AP1B1: variants seen among roughly 807,000 people sequenced by gnomAD.
AP1B1 encodes the protein adaptor related protein complex 1 subunit beta 1.
AP1B1 carries 36 observed loss-of-function variants against 104.3 expected under a neutral mutation model. The ratio of observed to expected loss-of-function variants is 0.35; its 90% CI spans 0.26 to 0.46. The LOEUF (loss-of-function observed/expected upper bound fraction) is 0.46. Ranked by LOEUF, AP1B1 falls within the 20% of genes least tolerant of loss-of-function variation. The pLI is 1.00. For synonymous variants in AP1B1, 504 were observed against 517.5 expected, an observed-to-expected ratio of 0.97 and a Z score of 0.35; for missense variants, 901 against 1,247.9, an observed-to-expected ratio of 0.72 and a Z score of 4.19.
At chr22:29,372,860 CA>C (rs2062264178) in intron 1 of AP1B1, among the ~76,000 whole-genome samples, 1 of 151,924 alleles carries the variant, frequency 6.6e-6, no homozygotes, top group Non-Finnish European at 1.5e-5. Flanking sequence ...AAAATAAAAA[CA>C]TAAGAAAATG....
In AP1B1 at chr22:29,350,037, G is replaced by A. The variant is rs754643457; in HGVS notation, c.1269C>T (p.Asn423=). The change falls in exon 10 of 23, where the codon AAC becomes AAT. Residue 423 remains asparagine (N), a splice_region_variant and synonymous_variant. Transcript: ENST00000357586. ...VIKDIFRKYP[N]KYESVIATLC... is the part of the protein sequence containing the mutation. ...TCCCTAGGAGGGCGGGCACGCACTT[G>A]TTGGGGTACTTGCGGAAGATGTCCT... 2.5e-6 allele frequency: 4 copies of A among 1,613,712 alleles called. No individual in the cohort carries two copies. The Admixed American group carries it at 6.7e-5, about 27-fold the overall frequency.
In AP1B1 at chr22:29,349,130, T is replaced by C. The variant is rs908297465; in HGVS notation, c.1437+88A>G. The C allele has an allele frequency of 4.2e-5, 63 of 1,495,478 alleles. No homozygotes were observed. The African/African-American group carries it at 5.5e-4, about 13-fold the overall frequency. 92.6% of individuals were successfully genotyped at this position (1,495,478 alleles called of 1,614,324 possible). ...TCTGTCAGGGCTGTTTACGAGGTAA[T>C]AGGAAGGGAGGGTTTCATGGCAGTA... On this transcript the variant is annotated intron_variant, in intron 11 of 22. Coordinates refer to ENST00000357586, the MANE Select transcript of AP1B1 (RefSeq NM_001127.4).
intron 14 of AP1B1, among the ~76,000 whole-genome samples, chr22:29,340,240 GGCT>G (rs1326377526): frequency 6.6e-6 from 1 of 152,186 alleles, no homozygotes; most frequent in African/African-American, 2.4e-5. Context: ...GGCCTGGATG[GGCT>G]GCTATTCCCA....
chr22:29,350,739 G>A (rs776323641), intron 9 of AP1B1, among the ~76,000 whole-genome samples: 1 of 152,172 alleles, frequency 6.6e-6, no homozygotes, highest in Non-Finnish European at 1.5e-5. Context: ...AGAAAGGACG[G>A]GGATAAAATG....
At chr22:29,377,514 A>G (rs988400682) in intron 1 of AP1B1, among the ~76,000 whole-genome samples, 1 of 152,150 alleles carries the variant, frequency 6.6e-6, no homozygotes, top group Non-Finnish European at 1.5e-5. Flanking sequence ...AAAGAGCTTT[A>G]AAGTTAGTCC....
Position 29,358,924 on chromosome 22 carries a change from G to A in AP1B1, c.327C>T (p.Thr109=). 6.2e-7 allele frequency: 1 copy of A among 1,612,652 alleles called. No individual in the cohort carries two copies. The highest frequency in any genetic ancestry group is 8.5e-7 in the Non-Finnish European group (1 of 1,179,532). The change falls in exon 5 of 23, where the codon ACC becomes ACT. Residue 109 remains threonine (T), a synonymous_variant. Coordinates refer to ENST00000357586, the MANE Select transcript of AP1B1 (RefSeq NM_001127.4). ...NPLIRALAVR[T]MGCIRVDKIT... ...TCTTGTCAACGCGGATGCAGCCCAT[G>A]GTCCGCACTGCCAGGGCTCGGATGA...
Position 29,329,570 on chromosome 22 carries a change from A to G in AP1B1, c.2775+142T>C, listed in dbSNP as rs992431844. The G allele has an allele frequency of 1.9e-5, 29 of 1,519,028 alleles. No homozygotes were observed. In the African/African-American group the frequency reaches 3.6e-4, roughly 19 times the overall value. The allele number at this position is 1,519,028 out of a possible 1,614,324, so 94.1% of individuals were successfully genotyped here. A position where few individuals can be genotyped will look rare whatever the true frequency, so the allele number is the denominator to read the frequency against. On this transcript the variant is annotated intron_variant, in intron 22 of 22. Coordinates refer to ENST00000357586, the MANE Select transcript of AP1B1 (RefSeq NM_001127.4). ...GTGGAAGTGGGGTGTCAGCACCTCA[A>G]TCAGGGCCACCTGGCTGAAGCCCCC... is the stretch of plus-strand genomic sequence containing the variant.
Position 29,329,720 on chromosome 22 carries a change from C to G in AP1B1, c.2767G>C (p.Asp923His), listed in dbSNP as rs892301056. ...RIQPGNPSCT[D>H]LELSLKCRAP... ...GAAAGCGATCTGCTAACCTCTAAGT[C>G]CTGCACCACGGGAACCAGCAGGGAA... is the stretch of plus-strand genomic sequence containing the variant. Residue 923 changes from aspartate to histidine, a missense_variant and splice_region_variant, in exon 22 of 23, where the codon GAC (aspartate) becomes CAC (histidine). By Grantham distance (81) the Asp-to-His change is moderately conservative. Coordinates refer to ENST00000357586, the MANE Select transcript of AP1B1 (RefSeq NM_001127.4). 5.0e-6 allele frequency: 8 copies of G among 1,613,534 alleles called. No homozygotes were observed. The highest frequency in any genetic ancestry group is 6.8e-6 in the Non-Finnish European group (8 of 1,179,768).
chr22:29,338,596 G>A (rs1043854787), intron 16 of AP1B1, among the ~76,000 whole-genome samples: 2 of 152,202 alleles, frequency 1.3e-5, no homozygotes, highest in Non-Finnish European at 2.9e-5. Context: ...TTAAGGAGAG[G>A]AATGGTGACA....
rs2061876340 is a variant in AP1B1 at position 29,351,644 on chromosome 22, T to C, written c.1059+61A>G. On this transcript the variant is annotated intron_variant, in intron 8 of 22. Coordinates refer to ENST00000357586, the MANE Select transcript of AP1B1 (RefSeq NM_001127.4). ...TGGTCACCTGGGCCAGAGCCTACAGTCTGGTGGTGGTGGAATGGTCCCACA... is the reference window on the plus strand; with the variant it reads ...TGGTCACCTGGGCCAGAGCCTACAGCCTGGTGGTGGTGGAATGGTCCCACA... 3 of 1,596,484 alleles carry C rather than the reference T, an allele frequency of 1.9e-6. No individual in the cohort carries two copies. The East Asian group carries it at 6.7e-5, about 36-fold the overall frequency.
At chr22:29,381,091 T>C (rs2062430028) in intron 1 of AP1B1, among the ~76,000 whole-genome samples, 3 of 152,196 alleles carry the variant, frequency 2.0e-5, no homozygotes, top group Admixed American at 2.0e-4. Context: ...GCCCGTGCTA[T>C]TCACTTTGCT....
Position 29,349,270 on chromosome 22 carries a change from G to A in AP1B1, c.1385C>T (p.Ala462Val), listed in dbSNP as rs1484517323. The A allele has an allele frequency of 1.2e-6, 2 of 1,613,898 alleles. No individual in the cohort carries two copies. Among genetic ancestry groups the A allele is most frequent in the Non-Finnish European group, 8.5e-7 (1 of 1,180,052 alleles). Residue 462 changes from alanine (A) to valine (V), a missense_variant, in exon 11 of 23, where the codon GCA (alanine) becomes GTA (valine). Around this residue, in one of 3 missense-constraint regions of AP1B1, gnomAD observed 471 missense variants for 696.7 expected, o/e 0.68. Coordinates refer to ENST00000357586, the MANE Select transcript of AP1B1 (RefSeq NM_001127.4). ...GAGGAAGCTCTCCAGCAGCTCATCT[G>A]CGTTGTCGATCCGTTCCGCGTACTC... ...VGEYAERIDN[A>V]DELLESFLEG...
rs761812882 is a variant in AP1B1, at chr22:29,350,117, C to T, written c.1189G>A (p.Asp397Asn). 11 of 1,614,056 alleles carry T rather than the reference C, an allele frequency of 6.8e-6. No homozygotes were observed. Among genetic ancestry groups the T allele is most frequent in the South Asian group, 3.3e-5 (3 of 91,078 alleles). The change falls in exon 10 of 23, where the codon GAC (aspartate) becomes AAC (asparagine). Residue 397 changes from aspartate to asparagine, a missense_variant. By Grantham distance (23) the Asp-to-Asn change is conservative. This residue lies in a region of AP1B1 where 471 missense variants were observed against 696.7 expected (regional missense o/e 0.68). Transcript: ENST00000357586. The part of the protein sequence containing the change: ...SAERCVSTLL[D>N]LIQTKVNYVV... Reference sequence around the variant, plus strand: ...TAGTTGACCTTGGTCTGGATGAGGTCGAGCAGCGTGCTCACACAGCGCTCC... The same window carrying T: ...TAGTTGACCTTGGTCTGGATGAGGTTGAGCAGCGTGCTCACACAGCGCTCC...
At chr22:29,336,593 C>T (rs753609682) in intron 16 of AP1B1, among the ~76,000 whole-genome samples, 34 of 150,142 alleles carry the variant, frequency 2.3e-4, no homozygotes, top group Admixed American at 1.5e-3. Flanking sequence ...TCTGAGGTCA[C>T]GAGTTCAAGA....
intron 16 of AP1B1, among the ~76,000 whole-genome samples, chr22:29,336,780 T>C (rs1199684250): frequency 6.8e-6 from 1 of 146,162 alleles, no homozygotes; most frequent in Admixed American, 7.0e-5. Flanking sequence ...CTCCAGCCTG[T>C]GTGACAAGAG....
rs751704393 is a variant in AP1B1, at chr22:29,358,882, G to A, written c.369C>T (p.Cys123=). The A allele has an allele frequency of 6.9e-6, 11 of 1,592,506 alleles. No homozygotes were observed. The highest frequency in any genetic ancestry group is 1.8e-5 in the Admixed American group (1 of 56,496). Residue 123 remains cysteine (C), a synonymous_variant, in exon 5 of 23, where the codon TGC becomes TGT. Coordinates refer to ENST00000357586, the MANE Select transcript of AP1B1 (RefSeq NM_001127.4). ...CCTTCAGGCACTTCCGGAGTGGCTC[G>A]CACAGGTACTCTGTGATCTTGTCAA... ...IRVDKITEYL[C]EPLRKCLKDE...
At chr22:29,352,250 C>A (rs142332648) in intron 7 of AP1B1, among the ~76,000 whole-genome samples, 2 of 152,356 alleles carry the variant, frequency 1.3e-5, no homozygotes, top group East Asian at 3.9e-4. Context: ...GAAGGCCTGG[C>A]ACGTGGCAAC....
In AP1B1 at chr22:29,348,887, G is replaced by A. The variant is rs565170620; in HGVS notation, c.1437+331C>T. Among the ~76,000 whole-genome samples, 6 of 152,322 alleles carry A rather than the reference G, an allele frequency of 3.9e-5. No homozygotes were observed. The East Asian group carries it at 1.2e-3, about 29-fold the overall frequency. Reference sequence around the variant, plus strand: ...GAGGAGAATTTGTGTCCTACAAAGTGATGAGAGGGAAACTTTTCACTATAT... The same window carrying A: ...GAGGAGAATTTGTGTCCTACAAAGTAATGAGAGGGAAACTTTTCACTATAT... On this transcript the variant is annotated intron_variant, in intron 11 of 22. Coordinates refer to ENST00000357586, the MANE Select transcript of AP1B1 (RefSeq NM_001127.4).
chr22:29,329,655 A>G, intron 22 of AP1B1, 57 bp downstream of exon 22: 2 of 1,611,272 alleles, frequency 1.2e-6, no homozygotes, highest in African/African-American at 1.3e-5. Context: ...CATGGGGGCC[A>G]TGACAGGAGA....
Sources: gnomAD v4.1 joint callset for allele counts (sites outside exome capture counted in the v4.1 genomes callset) on GRCh38, gnomAD v4.1.1 for gene constraint, gnomAD v4.1.1 regional missense constraint, MANE v1.5 for transcripts, NCBI Gene and HGNC (gene_info 2026-07-23, HGNC 2026-07-21) for gene names.